Variants in TNFRSF9 observed in about 807,000 individuals in gnomAD.
TNFRSF9 encodes tumor necrosis factor receptor superfamily member 9.
TNFRSF9 carries 16 observed loss-of-function variants against 28.8 expected under a neutral mutation model. The observed-to-expected ratio is 0.55, with a 90% CI of 0.38 to 0.84. The LOEUF (loss-of-function observed/expected upper bound fraction) is 0.84, where lower values mean the gene tolerates loss of function less well. Ranked by LOEUF, TNFRSF9 falls within the 40% of genes least tolerant of loss-of-function variation. The pLI is 0.00. For missense variants in TNFRSF9, 303 were observed against 315.0 expected (o/e 0.96, Z 0.29); for synonymous variants, 131 against 117.0 (o/e 1.12, Z -0.77).
At chr1:7,938,662 A>G in intron 3 of TNFRSF9, 59 bp downstream of exon 3, 1 of 1,400,934 alleles carries the variant, frequency 7.1e-7, no homozygotes, top group Non-Finnish European at 9.8e-7. Context: ...GTAAATGGGA[A>G]AGAAAAGCTT....
chr1:7,937,871 C>A, intron 4 of TNFRSF9, 115 bp from the exon 5 acceptor site: 1 of 913,070 alleles, frequency 1.1e-6, no homozygotes, highest in Non-Finnish European at 1.7e-6. Flanking sequence ...ACAAATTGTT[C>A]AATAATTCTT....
chr1:7,935,340 T>C (rs1383396197), intron 5 of TNFRSF9, among the ~76,000 whole-genome samples, 197 bp from the exon 6 acceptor site: 1 of 152,210 alleles, frequency 6.6e-6, no homozygotes, highest in Non-Finnish European at 1.5e-5. Flanking sequence ...ATGGCTTCCT[T>C]CTGTTCAGTG....
At position 7,920,933 on chromosome 1, in the gene TNFRSF9, A is replaced by G. The variant is rs779060069; in HGVS notation, c.680-10T>C. ...ACTGGTCTCATAAATGCTAAAAAAA[A>G]AATTTTAAGATACGTATATTTTGTT... On this transcript the variant is annotated splice_polypyrimidine_tract_variant and intron_variant, in intron 7 of 7. Coordinates refer to ENST00000377507, the MANE Select transcript of TNFRSF9 (RefSeq NM_001561.6). The G allele has an allele frequency of 1.3e-6, 2 of 1,592,110 alleles. No individual in the cohort carries two copies. The highest frequency in any genetic ancestry group is 4.5e-5 in the East Asian group (2 of 44,738).
At chr1:7,923,015 G>T (rs1639585761) in intron 7 of TNFRSF9, among the ~76,000 whole-genome samples, 1 of 149,286 alleles carries the variant, frequency 6.7e-6, no homozygotes, top group African/African-American at 2.5e-5. Flanking sequence ...CGGTTCTCTT[G>T]CCTCAGTCTC....
At chr1:7,932,712 CACAG>C (rs1639750774) in intron 7 of TNFRSF9, among the ~76,000 whole-genome samples, 1 of 148,452 alleles carries the variant, frequency 6.7e-6, no homozygotes, top group East Asian at 2.1e-4. Flanking sequence ...CGCACACACA[CACAG>C]ACACGCACAC....
At chr1:7,925,878 G>A (rs1439489683) in intron 7 of TNFRSF9, among the ~76,000 whole-genome samples, 4 of 152,134 alleles carry the variant, frequency 2.6e-5, no homozygotes, top group East Asian at 1.9e-4. Flanking sequence ...GAAGCTTCAC[G>A]TGCTTGCCCA....
rs1276736369 is a variant in TNFRSF9 at position 7,935,000 on chromosome 1, A to ATAGCC, written c.544+8_544+12dup. On this transcript the variant is annotated intron_variant, in intron 6 of 7. Transcript: ENST00000377507. Reference sequence around the variant, plus strand: ...AAGATACGCACTTTGGCGTAAAGGCATAGCCCAGTTACCTGGCTCTCTCGC... The same window carrying ATAGCC: ...AAGATACGCACTTTGGCGTAAAGGCATAGCCTAGCCCAGTTACCTGGCTCTCTCGC... 11 of 1,613,678 alleles carry ATAGCC rather than the reference A, an allele frequency of 6.8e-6. No homozygotes were observed. In the Admixed American group the frequency reaches 1.3e-4, roughly 20 times the overall value.
intron 2 of TNFRSF9, among the ~76,000 whole-genome samples, chr1:7,939,055 C>G (rs1391587969): frequency 2.6e-5 from 4 of 152,158 alleles, no homozygotes; most frequent in Admixed American, 1.3e-4. Context: ...TGCAGTGGCT[C>G]ACGCCTGTAA....
intron 7 of TNFRSF9, among the ~76,000 whole-genome samples, chr1:7,924,151 A>G (rs1230552359): frequency 1.3e-5 from 2 of 151,928 alleles, no homozygotes; most frequent in African/African-American, 4.8e-5. Context: ...GATGTAAAAA[A>G]CCTACTGAGC....
At chr1:7,932,383 T>G (rs1358711076) in intron 7 of TNFRSF9, among the ~76,000 whole-genome samples, 1 of 152,246 alleles carries the variant, frequency 6.6e-6, no homozygotes, top group Non-Finnish European at 1.5e-5. Context: ...CAATGGCTTT[T>G]GTCTAGTGGA....
chr1:7,938,109 T>C, intron 4 of TNFRSF9, 84 bp downstream of exon 4: 1 of 1,306,182 alleles, frequency 7.7e-7, no homozygotes, highest in Non-Finnish European at 1.0e-6. Context: ...TACAAATCTG[T>C]TTGTTTATTT....
rs1486152021 is a variant in TNFRSF9 at position 7,917,307 on chromosome 1, TA to T, written c.*3527del. On this transcript the variant is annotated 3_prime_UTR_variant, in exon 8 of 8. Coordinates refer to ENST00000377507, the MANE Select transcript of TNFRSF9 (RefSeq NM_001561.6). ...CGGATATCGAGAGCTGTTACAAAGC[TA>T]TTGTAATAAACACAGTGTGATACTG... is the stretch of plus-strand genomic sequence containing the variant. 2 of 152,214 alleles carry T rather than the reference TA, an allele frequency of 1.3e-5. No homozygotes were observed. Among genetic ancestry groups the T allele is most frequent in the African/African-American group, 2.4e-5 (1 of 41,444 alleles). The allele number at this position is 152,214 out of a possible 1,614,324, so 9.4% of individuals were successfully genotyped here.
In TNFRSF9 at chr1:7,918,946, G is replaced by A. The variant is rs749156776; in HGVS notation, c.*1889C>T. 1.4e-4 allele frequency: 21 copies of A among 152,116 alleles called. No homozygotes were observed. Among genetic ancestry groups the A allele is most frequent in the Non-Finnish European group, 2.1e-4 (14 of 68,020 alleles). 9.4% of individuals were successfully genotyped at this position (152,116 alleles called of 1,614,324 possible). A position where few individuals can be genotyped will look rare whatever the true frequency, so the allele number is the denominator to read the frequency against. Reference sequence around the variant, plus strand: ...GAACAGCCACTTTGAAAAGCAATTTGGTACTGCAGTAGACTATTGTTCAGA... The same window carrying A: ...GAACAGCCACTTTGAAAAGCAATTTAGTACTGCAGTAGACTATTGTTCAGA... On this transcript the variant is annotated 3_prime_UTR_variant, in exon 8 of 8. Transcript: ENST00000377507.
intron 7 of TNFRSF9, among the ~76,000 whole-genome samples, chr1:7,921,289 T>A (rs1428662250): frequency 6.6e-6 from 1 of 151,620 alleles, no homozygotes; most frequent in Non-Finnish European, 1.5e-5. Flanking sequence ...TGACTTGAGA[T>A]GGCGCCATTG....
intron 7 of TNFRSF9, among the ~76,000 whole-genome samples, chr1:7,924,575 C>T (rs140901027): frequency 0.011 from 1,703 of 151,996 alleles, 32 homozygotes; most frequent in African/African-American, 0.039. Flanking sequence ...TGCAGGGAGC[C>T]GAGACCGCCC....
rs1250784693 is a variant in TNFRSF9, at chr1:7,933,193, G to A, written c.648C>T (p.Gly216=). The change falls in exon 7 of 8, where the codon GGC becomes GGT. Residue 216 remains glycine (G), a synonymous_variant. Coordinates refer to ENST00000377507, the MANE Select transcript of TNFRSF9 (RefSeq NM_001561.6). The part of the protein sequence containing the change: ...LTLRFSVVKR[G]RKKLLYIFKQ... Reference sequence around the variant, plus strand: ...TGAATATATACAGGAGTTTCTTTCTGCCCCGTTTAACAACAGAGAAACGGA... The same window carrying A: ...TGAATATATACAGGAGTTTCTTTCTACCCCGTTTAACAACAGAGAAACGGA... 1 of 1,613,640 alleles carries A rather than the reference G, an allele frequency of 6.2e-7. No homozygotes were observed. Among genetic ancestry groups the A allele is most frequent in the Non-Finnish European group, 8.5e-7 (1 of 1,179,838 alleles).
At chr1:7,931,714 T>C (rs1639733900) in intron 7 of TNFRSF9, among the ~76,000 whole-genome samples, 2 of 152,264 alleles carry the variant, frequency 1.3e-5, no homozygotes, top group Non-Finnish European at 2.9e-5. Flanking sequence ...TTTACCCTGG[T>C]AGAGTTATTT....
Position 7,933,192 on chromosome 1 carries a change from T to C in TNFRSF9, c.649A>G (p.Arg217Gly), listed in dbSNP as rs780812476. Reference sequence around the variant, plus strand: ...TTGAATATATACAGGAGTTTCTTTCTGCCCCGTTTAACAACAGAGAAACGG... The same window carrying C: ...TTGAATATATACAGGAGTTTCTTTCCGCCCCGTTTAACAACAGAGAAACGG... ...TLRFSVVKRGRKKLLYIFKQP... is the reference protein window; with the variant it reads ...TLRFSVVKRGGKKLLYIFKQP... The change falls in exon 7 of 8, where the codon AGA becomes GGA. Residue 217 changes from arginine to glycine, a missense_variant. By Grantham distance (125) the Arg-to-Gly change is moderately radical. Transcript: ENST00000377507. The C allele has an allele frequency of 8.3e-5, 134 of 1,613,900 alleles. No individual in the cohort carries two copies. The highest frequency in any genetic ancestry group is 1.1e-4 in the Non-Finnish European group (131 of 1,179,946).
intron 7 of TNFRSF9, 144 bp downstream of exon 7, chr1:7,933,018 T>C: frequency 1.0e-6 from 1 of 962,532 alleles, no homozygotes; most frequent in Non-Finnish European, 1.5e-6. Flanking sequence ...ACTGCAAATA[T>C]TCCCAGGGAC....
Sources: gnomAD v4.1 joint callset for allele counts (sites outside exome capture counted in the v4.1 genomes callset) on GRCh38, gnomAD v4.1.1 for gene constraint, MANE v1.5 for transcripts, NCBI Gene and HGNC (gene_info 2026-07-23, HGNC 2026-07-21) for gene names.